The following SLC44A1 variants were observed in gnomAD, a reference collection of about 807,000 sequenced individuals.
The protein encoded by SLC44A1 is choline transporter-like protein 1.
In SLC44A1, 26 loss-of-function variants were observed where a neutral mutation model predicts 79.3. That is an observed-to-expected ratio of 0.33 (90% CI 0.24 to 0.46). SLC44A1 has a LOEUF of 0.46. SLC44A1 is among the 20% of genes least tolerant of loss of function. The pLI is 1.00. For missense variants in SLC44A1, 688 were observed against 798.1 expected, an observed-to-expected ratio of 0.86 and a Z score of 1.66; for synonymous variants, 263 against 286.2, an observed-to-expected ratio of 0.92 and a Z score of 0.82.
intron 13 of SLC44A1, among the ~76,000 whole-genome samples, chr9:105,376,521 G>A (rs1342213383): frequency 1.3e-5 from 2 of 151,930 alleles, no homozygotes; most frequent in Non-Finnish European, 2.9e-5. Context: ...CTACAGGCAT[G>A]CACCACCATG....
chr9:105,397,187 T>C lies in SLC44A1; in HGVS notation c.*8131T>C. ...ATATGAAACGGAGCTTTGAAATGTTTTTCTTGTGCAGAAATACGAACTAGA... is the reference window on the plus strand; with the variant it reads ...ATATGAAACGGAGCTTTGAAATGTTCTTCTTGTGCAGAAATACGAACTAGA... On this transcript the variant is annotated 3_prime_UTR_variant, in exon 16 of 16. Transcript: ENST00000374720. The C allele has an allele frequency of 2.0e-6, 2 of 985,434 alleles. No homozygotes were observed. The highest frequency in any genetic ancestry group is 2.4e-6 in the Non-Finnish European group (2 of 829,928). The allele number at this position is 985,434 out of a possible 1,614,324, so 61.0% of individuals were successfully genotyped here.
At position 105,274,839 on chromosome 9, in the gene SLC44A1, G is replaced by A. The variant is rs150871960; in HGVS notation, c.37-24381G>A. 2.6e-5 allele frequency among the ~76,000 whole-genome samples: 4 copies of A among 152,332 alleles called. No homozygotes were observed. In the East Asian group the frequency reaches 5.8e-4, roughly 22 times the overall value. On this transcript the variant is annotated intron_variant, in intron 1 of 15. Transcript: ENST00000374720. ...ATAGATAGGGTTAAGTGATTTGCCT[G>A]TGTCATGTAGTAGCTTCTTTTTAGT...
intron 1 of SLC44A1, among the ~76,000 whole-genome samples, chr9:105,276,095 C>T (rs1041496111): frequency 2.0e-5 from 3 of 152,078 alleles, no homozygotes; most frequent in Non-Finnish European, 2.9e-5. Context: ...TGTGAGCCTC[C>T]GTGCCTGCCT....
intron 1 of SLC44A1, among the ~76,000 whole-genome samples, chr9:105,283,961 G>C (rs1342839560): frequency 6.6e-6 from 1 of 152,164 alleles, no homozygotes; most frequent in African/African-American, 2.4e-5. Flanking sequence ...TAGGCTGGAT[G>C]ACCCATGGTG....
At chr9:105,347,673 T>G (rs1827282414) in intron 4 of SLC44A1, among the ~76,000 whole-genome samples, 3 of 152,068 alleles carry the variant, frequency 2.0e-5, no homozygotes, top group Admixed American at 2.0e-4. Flanking sequence ...TTAATTTTTT[T>G]TTGCATAGCC....
intron 13 of SLC44A1, among the ~76,000 whole-genome samples, chr9:105,375,504 C>T (rs1828251167): frequency 6.6e-6 from 1 of 152,164 alleles, no homozygotes; most frequent in Non-Finnish European, 1.5e-5. Flanking sequence ...CCTCAGTTTG[C>T]TCATCTGTAA....
At chr9:105,334,371 C>T (rs1448342327) in intron 3 of SLC44A1, among the ~76,000 whole-genome samples, 2 of 151,370 alleles carry the variant, frequency 1.3e-5, no homozygotes, top group African/African-American at 4.9e-5. Context: ...TTTTTTCCTA[C>T]TTATTTTTTT....
exon 16 of SLC44A1, chr9:105,438,486 C>A (rs1270998614): frequency 5.8e-6 from 3 of 513,118 alleles, no homozygotes; most frequent in Non-Finnish European, 1.0e-5. Context: ...AATAAATAAT[C>A]AAAAGCATTT....
rs1255545976 is a variant in SLC44A1 at position 105,389,330 on chromosome 9, G to A, written c.*274G>A. The A allele has an allele frequency of 1.2e-5, 14 of 1,153,928 alleles. No homozygotes were observed. Among genetic ancestry groups the A allele is most frequent in the Middle Eastern group, 3.6e-4 (1 of 2,808 alleles). The allele number at this position is 1,153,928 out of a possible 1,614,324, so 71.5% of individuals were successfully genotyped here. A position where few individuals can be genotyped will look rare whatever the true frequency, so the allele number is the denominator to read the frequency against. On this transcript the variant is annotated 3_prime_UTR_variant, in exon 16 of 16. Transcript: ENST00000374720. ...TCATTTAATGTTTTCAACTGTAATT[G>A]TCTTAATGGAAATGTTAAAATTCAT...
chr9:105,392,414 T>A lies in SLC44A1; in HGVS notation c.*3358T>A. 2.1e-6 allele frequency: 2 copies of A among 970,276 alleles called. No individual in the cohort carries two copies. Among genetic ancestry groups the A allele is most frequent in the Non-Finnish European group, 2.4e-6 (2 of 820,516 alleles). 60.1% of individuals were successfully genotyped at this position (970,276 alleles called of 1,614,324 possible). On this transcript the variant is annotated 3_prime_UTR_variant, in exon 16 of 16. Transcript: ENST00000374720. ...CTCTCTCTCTCTCTCTTTTTTTTTT[T>A]TTTTTTTTTTTTTTTTCCGTGAGGG...
intron 10 of SLC44A1, 43 bp downstream of exon 10, chr9:105,364,763 G>T (rs979805794): frequency 1.3e-5 from 20 of 1,529,310 alleles, no homozygotes; most frequent in Non-Finnish European, 1.7e-5. Flanking sequence ...TCATCTAAGG[G>T]ATGGTGTCCG....
chr9:105,337,971 C>T (rs994102249), intron 4 of SLC44A1, among the ~76,000 whole-genome samples: 1 of 152,164 alleles, frequency 6.6e-6, no homozygotes, highest in Non-Finnish European at 1.5e-5. Flanking sequence ...AAAGTAGGTG[C>T]TCAAGATGTA....
At chr9:105,337,192 T>C (rs370444617) in intron 4 of SLC44A1, among the ~76,000 whole-genome samples, 14 of 152,266 alleles carry the variant, frequency 9.2e-5, no homozygotes, top group East Asian at 5.8e-4. Flanking sequence ...GTGAGTATAC[T>C]CTGACAAGTG....
At chr9:105,246,394 G>GTC (rs1829450774) in intron 1 of SLC44A1, among the ~76,000 whole-genome samples, 1 of 140,040 alleles carries the variant, frequency 7.1e-6, no homozygotes. Flanking sequence ...TTTTTTGAGT[G>GTC]TTTGCTTACC....
At chr9:105,371,318 G>C (rs1170518073) in intron 12 of SLC44A1, among the ~76,000 whole-genome samples, 1 of 152,202 alleles carries the variant, frequency 6.6e-6, no homozygotes, top group Non-Finnish European at 1.5e-5. Flanking sequence ...TTTTGGCTTT[G>C]TGGGCCATAC....
intron 11 of SLC44A1, 69 bp from the exon 12 acceptor site, chr9:105,366,277 G>A (rs746288889): frequency 6.6e-5 from 50 of 756,510 alleles, no homozygotes; most frequent in Non-Finnish European, 8.9e-5. Context: ...TTTTTCTAAC[G>A]TTTGAAGTCT....
intron 15 of SLC44A1, among the ~76,000 whole-genome samples, chr9:105,405,253 G>A (rs548894371): frequency 1.2e-4 from 18 of 151,842 alleles, no homozygotes; most frequent in Admixed American, 9.8e-4. Flanking sequence ...TCGGGGAGGC[G>A]GAGGTTGCAG....
intron 3 of SLC44A1, among the ~76,000 whole-genome samples, chr9:105,326,917 G>A (rs982459574): frequency 6.6e-6 from 1 of 152,198 alleles, no homozygotes; most frequent in Admixed American, 6.5e-5. Context: ...ATTCTCTGCA[G>A]TTGGAACGTC....
At chr9:105,306,516 G>T (rs1258489698) in intron 2 of SLC44A1, among the ~76,000 whole-genome samples, 2 of 151,894 alleles carry the variant, frequency 1.3e-5, no homozygotes, top group South Asian at 2.1e-4. Flanking sequence ...GATAGTCATG[G>T]TTTTTTCCCA....
Sources: allele counts gnomAD v4.1 joint callset (sites outside exome capture counted in the v4.1 genomes callset), GRCh38; gene constraint gnomAD v4.1.1; transcripts MANE v1.5; gene names NCBI Gene and HGNC (gene_info 2026-07-23, HGNC 2026-07-21).